Variants in PPARGC1A observed in about 807,000 individuals in gnomAD.
PPARGC1A encodes the protein peroxisome proliferator-activated receptor gamma coactivator 1-alpha.
In PPARGC1A, 25 loss-of-function variants were observed where a neutral mutation model predicts 88.7. The ratio of observed to expected loss-of-function variants is 0.28; its 90% CI spans 0.21 to 0.39. The LOEUF is 0.39. PPARGC1A is among the 10% of genes least tolerant of loss of function. The pLI is 1.00. For missense variants in PPARGC1A, 880 were observed against 968.7 expected (o/e 0.91, Z 1.22); for synonymous variants, 363 against 355.6 (o/e 1.02, Z -0.24).
At chr4:24,059,643 T>C in the PPARGC1A span, among the ~76,000 whole-genome samples, 1 of 152,176 alleles carries the variant, frequency 6.6e-6, no homozygotes, top group Non-Finnish European at 1.5e-5. Context: ...CACACATTCT[T>C]GACAAGGGTC....
At chr4:23,812,663 T>C (rs1318100624) in intron 10 of PPARGC1A, 84 bp downstream of exon 10, 64 of 1,584,584 alleles carry the variant, frequency 4.0e-5, no homozygotes, top group Non-Finnish European at 4.9e-5. Context: ...AGCTTTTGTT[T>C]ATTTTCTAAT....
chr4:24,013,437 C>T, the PPARGC1A span, among the ~76,000 whole-genome samples: 1 of 152,238 alleles, frequency 6.6e-6, no homozygotes, highest in East Asian at 1.9e-4. Context: ...CGTCCTCTCT[C>T]CTTCTTCTCT....
chr4:24,000,385 A>G, the PPARGC1A span, among the ~76,000 whole-genome samples: 2 of 152,210 alleles, frequency 1.3e-5, no homozygotes, highest in African/African-American at 4.8e-5. Context: ...GTCTCACTTT[A>G]TAAAACAGCT....
intron 2 of PPARGC1A, among the ~76,000 whole-genome samples, chr4:23,854,182 T>G (rs1195892118): frequency 6.6e-6 from 1 of 152,138 alleles, no homozygotes; most frequent in Admixed American, 6.5e-5. Flanking sequence ...ATGACAAGTG[T>G]CAGATAAGTC....
chr4:23,844,189 AAC>A (rs1161028518), intron 2 of PPARGC1A, among the ~76,000 whole-genome samples: 1 of 149,772 alleles, frequency 6.7e-6, no homozygotes, highest in African/African-American at 2.4e-5. Context: ...ATAAAACATA[AAC>A]ACACATACAA....
chr4:24,460,613 G>A, the PPARGC1A span, among the ~76,000 whole-genome samples: 7 of 152,236 alleles, frequency 4.6e-5, no homozygotes, highest in Middle Eastern at 6.8e-3. Flanking sequence ...CCTATTTTCT[G>A]AAACAACAAG....
the PPARGC1A span, among the ~76,000 whole-genome samples, chr4:23,917,376 CTT>C: frequency 1.3e-3 from 178 of 132,474 alleles, no homozygotes; most frequent in African/African-American, 1.7e-3. Flanking sequence ...TTCTTTCTTT[CTT>C]TTTTTTTTTT....
the PPARGC1A span, among the ~76,000 whole-genome samples, chr4:24,248,900 AC>A: frequency 6.6e-6 from 1 of 152,112 alleles, no homozygotes; most frequent in African/African-American, 2.4e-5. Flanking sequence ...CAAATACACC[AC>A]CTGGAGTCTT....
the PPARGC1A span, among the ~76,000 whole-genome samples, chr4:24,180,513 G>A: frequency 6.6e-6 from 1 of 152,178 alleles, no homozygotes; most frequent in Non-Finnish European, 1.5e-5. Context: ...TTGGTTCTCA[G>A]CTATATAGAA....
the PPARGC1A span, among the ~76,000 whole-genome samples, chr4:23,945,288 ATATAT>A: frequency 9.1e-4 from 138 of 152,270 alleles, 1 homozygote; most frequent in African/African-American, 3.2e-3. Context: ...GGTACCAAAA[ATATAT>A]TATACTTATT....
the PPARGC1A span, among the ~76,000 whole-genome samples, chr4:24,129,930 T>C: frequency 6.6e-6 from 1 of 151,718 alleles, no homozygotes; most frequent in African/African-American, 2.4e-5. Context: ...TTCTCACTCA[T>C]AGGTGGGAAT....
At chr4:24,310,703 A>G in the PPARGC1A span, among the ~76,000 whole-genome samples, 1 of 152,124 alleles carries the variant, frequency 6.6e-6, no homozygotes, top group Non-Finnish European at 1.5e-5. Context: ...TTAATTGCCT[A>G]CTAAAACAAA....
At chr4:24,126,183 C>T in the PPARGC1A span, among the ~76,000 whole-genome samples, 1 of 151,924 alleles carries the variant, frequency 6.6e-6, no homozygotes, top group African/African-American at 2.4e-5. Flanking sequence ...GCCAAACGCG[C>T]ATTATTTCAC....
At chr4:23,844,789 AATATATG>A (rs1325934831) in intron 2 of PPARGC1A, among the ~76,000 whole-genome samples, 2 of 121,864 alleles carry the variant, frequency 1.6e-5, no homozygotes, top group African/African-American at 3.1e-5. Context: ...ATATTATAAT[AATATATG>A]ATATATATTA....
chr4:24,074,085 G>C, the PPARGC1A span, among the ~76,000 whole-genome samples: 7 of 152,158 alleles, frequency 4.6e-5, no homozygotes, highest in Admixed American at 1.3e-4. Flanking sequence ...ATGCAGGAAA[G>C]GGAGGATCCC....
chr4:24,385,700 C>T, the PPARGC1A span, among the ~76,000 whole-genome samples: 12 of 151,906 alleles, frequency 7.9e-5, no homozygotes, highest in Admixed American at 2.0e-4. Flanking sequence ...AGGAAGAAGC[C>T]GAATCCCTGA....
chr4:24,195,794 T>C, the PPARGC1A span, among the ~76,000 whole-genome samples: 1 of 152,322 alleles, frequency 6.6e-6, no homozygotes, highest in African/African-American at 2.4e-5. Context: ...TTCTAGATAC[T>C]CTAGGATTTA....
chr4:24,262,882 A>G, the PPARGC1A span, among the ~76,000 whole-genome samples: 7 of 152,138 alleles, frequency 4.6e-5, no homozygotes, highest in African/African-American at 1.4e-4. Context: ...GGGCTGTACA[A>G]CTTCCTGTAC....
At chr4:24,362,093 C>A in the PPARGC1A span, among the ~76,000 whole-genome samples, 1 of 152,138 alleles carries the variant, frequency 6.6e-6, no homozygotes. Context: ...GCCATTTATC[C>A]GAATATTCTT....
Sources: allele counts gnomAD v4.1 joint callset (sites outside exome capture counted in the v4.1 genomes callset), GRCh38; gene constraint gnomAD v4.1.1; transcripts MANE v1.5; gene names NCBI Gene and HGNC (gene_info 2026-07-23, HGNC 2026-07-21).